NSUN6: variants seen among roughly 807,000 people sequenced by gnomAD.
NSUN6 encodes NOP2/Sun RNA methyltransferase 6, also known as tRNA (cytosine(72)-C(5))-methyltransferase NSUN6.
A neutral mutation model predicts 58.0 loss-of-function variants in NSUN6; 64 were observed. The observed-to-expected ratio is 1.10, with a 90% confidence interval of 0.90 to 1.36. The LOEUF (loss-of-function observed/expected upper bound fraction) is 1.36. Ranked by LOEUF, NSUN6 falls within the 40% of genes most tolerant of loss-of-function variation. The pLI is 0.00. For missense variants in NSUN6, 701 were observed against 550.1 expected, an observed-to-expected ratio of 1.27 and a Z score of -2.74; for synonymous variants, 231 against 193.9, an observed-to-expected ratio of 1.19 and a Z score of -1.59.
chr10:18,649,913 G>C (rs2059655515), intron 1 of NSUN6, among the ~76,000 whole-genome samples: 1 of 152,096 alleles, frequency 6.6e-6, no homozygotes, highest in Admixed American at 6.6e-5. Flanking sequence ...AGTACCTCAA[G>C]CTAATCTTTG....
At chr10:18,610,537 T>C (rs1447532861) in intron 5 of NSUN6, among the ~76,000 whole-genome samples, 1 of 152,228 alleles carries the variant, frequency 6.6e-6, no homozygotes, top group Non-Finnish European at 1.5e-5. Flanking sequence ...TACCACCTCA[T>C]TCTTTACTAC....
chr10:18,622,900 A>C (rs1374460249), intron 3 of NSUN6, among the ~76,000 whole-genome samples: 3 of 152,218 alleles, frequency 2.0e-5, no homozygotes, highest in African/African-American at 7.2e-5. Context: ...GAGAATACAG[A>C]AATTCTTTAA....
chr10:18,604,909 G>A (rs776055483), intron 6 of NSUN6, among the ~76,000 whole-genome samples: 14 of 147,712 alleles, frequency 9.5e-5, no homozygotes, highest in Non-Finnish European at 1.9e-4. Flanking sequence ...TTTTTGAGAC[G>A]GAGTCTCACA....
chr10:18,632,848 T>C lies in NSUN6; in HGVS notation c.311+9628A>G, dbSNP rs142770096. Among the ~76,000 whole-genome samples, 14 of 152,254 alleles carry C rather than the reference T, an allele frequency of 9.2e-5. No homozygotes were observed. In the South Asian group the frequency reaches 2.1e-3, roughly 23 times the overall value. The stretch of plus-strand genomic sequence containing the variant: ...TCAACCATTGTGGAAGTCAGTGCAG[T>C]GATTCCTCAGGGATCTAGAACTAGA... On this transcript the variant is annotated intron_variant, in intron 3 of 10. Transcript: ENST00000377304.
At chr10:18,556,250 T>C (rs111071794) in intron 8 of NSUN6, among the ~76,000 whole-genome samples, 15,042 of 146,240 alleles carry the variant, frequency 0.1, 935 homozygotes, top group Middle Eastern at 0.2. Flanking sequence ...GGAATGCGAA[T>C]AGAATGGAAT....
At chr10:18,552,364 T>C (rs1425566828) in intron 8 of NSUN6, among the ~76,000 whole-genome samples, 1 of 149,138 alleles carries the variant, frequency 6.7e-6, no homozygotes, top group Non-Finnish European at 1.5e-5. Context: ...TGTTTGACTG[T>C]TGTGAAACAC....
intron 8 of NSUN6, among the ~76,000 whole-genome samples, chr10:18,552,290 G>T (rs1196598958): frequency 6.6e-6 from 1 of 152,116 alleles, no homozygotes; most frequent in East Asian, 1.9e-4. Flanking sequence ...ATTAATTCTA[G>T]TTGTTCTGGA....
chr10:18,627,802 A>G (rs908377244), intron 3 of NSUN6, among the ~76,000 whole-genome samples: 2 of 152,224 alleles, frequency 1.3e-5, no homozygotes, highest in Non-Finnish European at 2.9e-5. Context: ...GTCTGAGATC[A>G]AACTGTAAGG....
In NSUN6 at chr10:18,567,286, C is replaced by A. The variant is rs192077721; in HGVS notation, c.923-15315G>T. On this transcript the variant is annotated intron_variant, in intron 8 of 10. Transcript: ENST00000377304. ...TTCTATTCCATTCTCCATTCCATTC[C>A]ATTTTCTATACCATCCTCCATTCCA... Among the ~76,000 whole-genome samples, 94 of 150,630 alleles carry A rather than the reference C, an allele frequency of 6.2e-4. 1 individual carries two copies. The highest frequency in any genetic ancestry group is 5.3e-3 in the Admixed American group (79 of 15,010).
At chr10:18,615,100 G>A (rs957266110) in intron 4 of NSUN6, among the ~76,000 whole-genome samples, 1 of 133,026 alleles carries the variant, frequency 7.5e-6, no homozygotes, top group Non-Finnish European at 1.6e-5. Flanking sequence ...AGCATATATA[G>A]TCATTCATAT....
intron 3 of NSUN6, among the ~76,000 whole-genome samples, chr10:18,640,447 C>T (rs2059356623): frequency 1.3e-5 from 2 of 152,128 alleles, no homozygotes; most frequent in Admixed American, 6.5e-5. Flanking sequence ...AAGTGTTTAA[C>T]AGAATAAGAA....
intron 8 of NSUN6, among the ~76,000 whole-genome samples, chr10:18,584,278 G>A (rs2131097258): frequency 6.6e-6 from 1 of 152,308 alleles, no homozygotes; most frequent in East Asian, 1.9e-4. Flanking sequence ...TGGGAGCCCT[G>A]CCCTCGTTCA....
At chr10:18,566,111 CCATTCCACATTT>C (rs2055912994) in intron 8 of NSUN6, among the ~76,000 whole-genome samples, 1 of 144,110 alleles carries the variant, frequency 6.9e-6, no homozygotes, top group African/African-American at 2.5e-5. Context: ...ACAATCCATT[CCATTCCACATTT>C]CATTCCATTC....
rs35396134 is a variant in NSUN6 at position 18,551,244 on chromosome 10, TTGTGTGTGTGTGTGTG to T, written c.1071+563_1071+578del. The stretch of plus-strand genomic sequence containing the variant: ...TATATTTAAAACTAGGTCCTCTCAG[TTGTGTGTGTGTGTGTG>T]TGTGTGTGTGTGTGTGTGTGTGTGT... On this transcript the variant is annotated intron_variant, in intron 9 of 10. Transcript: ENST00000377304. 2.1e-3 allele frequency among the ~76,000 whole-genome samples: 272 copies of T among 127,172 alleles called. 2 individuals are homozygous for T. The highest frequency in any genetic ancestry group is 4.5e-3 in the Middle Eastern group (1 of 224). 83.4% of individuals were successfully genotyped at this position (127,172 alleles called of 152,430 possible). A position where few individuals can be genotyped will look rare whatever the true frequency, so the allele number is the denominator to read the frequency against.
intron 3 of NSUN6, among the ~76,000 whole-genome samples, chr10:18,625,720 TAAAAAA>T (rs71402188): frequency 5.6e-5 from 3 of 53,810 alleles, no homozygotes; most frequent in Admixed American, 3.1e-4. Context: ...GTTTTTTTTT[TAAAAAA>T]AAAAAAAAAA....
At chr10:18,617,393 G>A (rs973537556) in intron 3 of NSUN6, among the ~76,000 whole-genome samples, 2 of 151,918 alleles carry the variant, frequency 1.3e-5, no homozygotes, top group Non-Finnish European at 2.9e-5. Flanking sequence ...TCACCATGTT[G>A]GCCAGGTGGG....
At chr10:18,555,843 A>ATG (rs1564709004) in intron 8 of NSUN6, among the ~76,000 whole-genome samples, 1 of 148,478 alleles carries the variant, frequency 6.7e-6, no homozygotes, top group East Asian at 2.1e-4. Flanking sequence ...GGAATGGAGA[A>ATG]AAATGGAATG....
chr10:18,592,522 T>C (rs922570655), intron 7 of NSUN6, among the ~76,000 whole-genome samples: 7 of 151,878 alleles, frequency 4.6e-5, no homozygotes, highest in African/African-American at 1.5e-4. Flanking sequence ...ACAAAACATA[T>C]AGACCAATGT....
In NSUN6 at chr10:18,638,400, C is replaced by T. The variant is rs562693578; in HGVS notation, c.311+4076G>A. Among the ~76,000 whole-genome samples, 10 of 152,218 alleles carry T rather than the reference C, an allele frequency of 6.6e-5. No homozygotes were observed. In the East Asian group the frequency reaches 1.9e-3, roughly 29 times the overall value. Reference sequence around the variant, plus strand: ...GAGGTTGCAGTGAGCCAAGATCGTGCCACTGCACTCCAGCCTGGGCAACAG... The same window carrying T: ...GAGGTTGCAGTGAGCCAAGATCGTGTCACTGCACTCCAGCCTGGGCAACAG... On this transcript the variant is annotated intron_variant, in intron 3 of 10. Transcript: ENST00000377304.
Sources: gnomAD v4.1 joint callset for allele counts (sites outside exome capture counted in the v4.1 genomes callset) on GRCh38, gnomAD v4.1.1 for gene constraint, MANE v1.5 for transcripts, NCBI Gene and HGNC (gene_info 2026-07-23, HGNC 2026-07-21) for gene names.